PPP2R3A: variants seen among roughly 807,000 people sequenced by gnomAD.
PPP2R3A encodes the protein serine/threonine-protein phosphatase 2A regulatory subunit B'' subunit alpha.
PPP2R3A carries 80 observed loss-of-function variants against 106.9 expected under a neutral mutation model. That is an observed-to-expected ratio of 0.75 (90% CI 0.62 to 0.90). The LOEUF is 0.90. Among genes scored for constraint, PPP2R3A ranks in the 40% least tolerant of loss-of-function variants. The pLI is 0.00. For synonymous variants in PPP2R3A, 483 were observed against 468.3 expected, an observed-to-expected ratio of 1.03 and a Z score of -0.41; for missense variants, 1,386 against 1,350.4, an observed-to-expected ratio of 1.03 and a Z score of -0.41.
intron 3 of PPP2R3A, among the ~76,000 whole-genome samples, chr3:136,027,411 G>T (rs1168357741): frequency 6.6e-6 from 1 of 152,094 alleles, no homozygotes; most frequent in South Asian, 2.1e-4. Context: ...ATTTTTCCTT[G>T]TGCTGAATAG....
At chr3:136,046,346 C>A (rs993676921) in intron 4 of PPP2R3A, among the ~76,000 whole-genome samples, 2 of 151,948 alleles carry the variant, frequency 1.3e-5, no homozygotes, top group Non-Finnish European at 2.9e-5. Flanking sequence ...CCCAGCTACT[C>A]CGGAGGCTGA....
chr3:136,135,555 A>G (rs1276714034), intron 13 of PPP2R3A, among the ~76,000 whole-genome samples: 1 of 152,178 alleles, frequency 6.6e-6, no homozygotes, highest in Non-Finnish European at 1.5e-5. Flanking sequence ...AGTACCACAG[A>G]AAGACCAGAG....
chr3:135,991,529 A>G (rs746539966), intron 1 of PPP2R3A, among the ~76,000 whole-genome samples: 5 of 152,220 alleles, frequency 3.3e-5, no homozygotes, highest in Admixed American at 2.6e-4. Flanking sequence ...AGAAAGCAGT[A>G]GCTTTGCAGA....
At chr3:136,144,936 T>G (rs1939050022) in intron 13 of PPP2R3A, 107 bp from the exon 14 acceptor site, 1 of 1,306,058 alleles carries the variant, frequency 7.7e-7, no homozygotes, top group Non-Finnish European at 1.0e-6. Flanking sequence ...ATTTAGCAAT[T>G]CAAGGTACCT....
At chr3:136,041,500 C>T (rs1005798245) in intron 4 of PPP2R3A, among the ~76,000 whole-genome samples, 8 of 151,992 alleles carry the variant, frequency 5.3e-5, no homozygotes, top group Non-Finnish European at 7.4e-5. Flanking sequence ...CCTCCCAGCT[C>T]GGCTGCCCAA....
At chr3:136,030,749 A>G (rs1934840399) in intron 3 of PPP2R3A, among the ~76,000 whole-genome samples, 1 of 114,346 alleles carries the variant, frequency 8.7e-6, no homozygotes. Flanking sequence ...ATGGCTGAGT[A>G]GTATTCCATC....
intron 6 of PPP2R3A, among the ~76,000 whole-genome samples, chr3:136,073,872 C>G (rs995387037): frequency 6.6e-6 from 1 of 152,102 alleles, no homozygotes; most frequent in Non-Finnish European, 1.5e-5. Context: ...AAAATAAGGC[C>G]TTCTAGTATG....
At chr3:135,996,416 T>C (rs1933399657) in intron 1 of PPP2R3A, among the ~76,000 whole-genome samples, 2 of 152,222 alleles carry the variant, frequency 1.3e-5, no homozygotes, top group South Asian at 2.1e-4. Context: ...CTATCAACTT[T>C]TAAAAGAAGC....
At chr3:136,013,600 G>C (rs1266791365) in intron 2 of PPP2R3A, among the ~76,000 whole-genome samples, 1 of 151,938 alleles carries the variant, frequency 6.6e-6, no homozygotes, top group Non-Finnish European at 1.5e-5. Flanking sequence ...TTTGCTGATC[G>C]TTAGTGATGT....
intron 3 of PPP2R3A, among the ~76,000 whole-genome samples, chr3:136,030,477 G>T (rs576105494): frequency 1.4e-3 from 210 of 152,098 alleles, no homozygotes; most frequent in African/African-American, 4.6e-3. Flanking sequence ...GTGGTGATTT[G>T]TGAGATTTTG....
At chr3:136,075,826 T>G (rs964975660) in intron 6 of PPP2R3A, among the ~76,000 whole-genome samples, 1 of 152,198 alleles carries the variant, frequency 6.6e-6, no homozygotes. Context: ...TTTAATAATA[T>G]ATATTGAAAT....
chr3:135,995,277 A>G (rs1375560800), intron 1 of PPP2R3A, among the ~76,000 whole-genome samples: 2 of 152,164 alleles, frequency 1.3e-5, no homozygotes, highest in African/African-American at 4.8e-5. Context: ...AAAGCAGACT[A>G]TAACAGATGT....
At position 136,147,454 on chromosome 3, in the gene PPP2R3A, G is replaced by A. The variant is rs992032484; in HGVS notation, c.*2288G>A. 1 of 152,568 alleles carries A rather than the reference G, an allele frequency of 6.6e-6. No homozygotes were observed. The highest frequency in any genetic ancestry group is 2.4e-5 in the African/African-American group (1 of 41,424). The allele number at this position is 152,568 out of a possible 1,614,324, so 9.5% of individuals were successfully genotyped here. On this transcript the variant is annotated 3_prime_UTR_variant, in exon 14 of 14. Transcript: ENST00000264977. ...ATTTACCCACATTATCACATTTTCA[G>A]GAATTATAAGAATGTGTTTTATTGT...
chr3:135,989,962 T>C (rs990198482), intron 1 of PPP2R3A, among the ~76,000 whole-genome samples: 1 of 152,208 alleles, frequency 6.6e-6, no homozygotes, highest in Non-Finnish European at 1.5e-5. Flanking sequence ...ATGTTCACAT[T>C]GATACTACCT....
intron 1 of PPP2R3A, among the ~76,000 whole-genome samples, chr3:135,985,823 G>A (rs1170900110): frequency 6.6e-6 from 1 of 152,182 alleles, no homozygotes; most frequent in Non-Finnish European, 1.5e-5. Context: ...CAGAATATCA[G>A]ATGAATTATT....
intron 5 of PPP2R3A, among the ~76,000 whole-genome samples, chr3:136,068,210 C>T (rs148957527): frequency 5.1e-4 from 77 of 152,098 alleles, no homozygotes; most frequent in African/African-American, 1.8e-3. Context: ...AGAGTAAGAC[C>T]CTGTCTCATT....
chr3:135,987,112 G>T (rs141375770), intron 1 of PPP2R3A, among the ~76,000 whole-genome samples: 5 of 152,150 alleles, frequency 3.3e-5, no homozygotes, highest in Admixed American at 1.3e-4. Flanking sequence ...TATCCTCCTT[G>T]AAACACCTTC....
rs1020004756 is a variant in PPP2R3A, at chr3:136,026,944, C to T, written c.2108C>T (p.Ala703Val). ...CCCCATGTGAATAATGTTGTGAATG[C>T]GCCATTGTCCATAAACATTCCACGG... ...PVPHVNNVVN[A>V]PLSINIPRFY... The change falls in exon 3 of 14, where the codon GCG (alanine) becomes GTG (valine). Residue 703 changes from alanine (A) to valine (V), a missense_variant. Physicochemically the swap from Ala to Val is moderately conservative, Grantham distance 64 (BLOSUM62 0). Coordinates refer to ENST00000264977, the MANE Select transcript of PPP2R3A (RefSeq NM_002718.5). 2.5e-6 allele frequency: 4 copies of T among 1,613,584 alleles called. No homozygotes were observed. The highest frequency in any genetic ancestry group is 3.4e-6 in the Non-Finnish European group (4 of 1,179,554).
intron 2 of PPP2R3A, among the ~76,000 whole-genome samples, chr3:136,013,437 T>C (rs1317054416): frequency 6.6e-6 from 1 of 152,158 alleles, no homozygotes; most frequent in East Asian, 1.9e-4. Flanking sequence ...TCATACTGTT[T>C]TCCAGATTGA....
Sources: allele counts gnomAD v4.1 joint callset (sites outside exome capture counted in the v4.1 genomes callset), GRCh38; gene constraint gnomAD v4.1.1; transcripts MANE v1.5; gene names NCBI Gene and HGNC (gene_info 2026-07-23, HGNC 2026-07-21).